The following OGG1 variants were observed in gnomAD, a reference collection of about 807,000 sequenced individuals.
OGG1 encodes the protein 8-oxoguanine DNA glycosylase.
In OGG1, 35 loss-of-function variants were observed where a neutral mutation model predicts 42.3. The ratio of observed to expected loss-of-function variants is 0.83; its 90% confidence interval spans 0.63 to 1.10. The LOEUF is 1.10. OGG1 is among the 50% of genes least tolerant of loss of function. OGG1 has a pLI of 0.00. For missense variants in OGG1, 484 were observed against 446.7 expected (o/e 1.08, Z -0.75); for synonymous variants, 189 against 179.0 (o/e 1.06, Z -0.44).
chr3:9,785,269 A>G (rs201334792), intron 3 of OGG1: 2 of 1,495,482 alleles, frequency 1.3e-6, no homozygotes, highest in African/African-American at 1.4e-5. Context: ...AGAGAAGCCA[A>G]CAGAAGCGGG....
chr3:9,785,203 C>T (rs538657817), intron 3 of OGG1: 1 of 736,216 alleles, frequency 1.4e-6, no homozygotes, highest in South Asian at 1.8e-5. Flanking sequence ...TGCTATTAGG[C>T]TTCACCTAAC....
chr3:9,770,841 G>C (rs1176678085), downstream of OGG1, among the ~76,000 whole-genome samples: 1 of 151,968 alleles, frequency 6.6e-6, no homozygotes. Context: ...GGCTGAACTG[G>C]GGGCAGCCGG....
At chr3:9,781,906 C>G (rs1421384276) in intron 3 of OGG1, among the ~76,000 whole-genome samples, 2 of 137,712 alleles carry the variant, frequency 1.5e-5, no homozygotes, top group Non-Finnish European at 3.0e-5. Flanking sequence ...GTGGCCTGAT[C>G]AAGCTCACTG....
rs975316690 is a variant in OGG1 at position 9,750,061 on chromosome 3, C to G, written c.-226C>G. 9.8e-6 allele frequency: 6 copies of G among 609,746 alleles called. No homozygotes were observed. In the African/African-American group the frequency reaches 1.1e-4, roughly 11 times the overall value. The allele number at this position is 609,746 out of a possible 1,614,324, so 37.8% of individuals were successfully genotyped here. ...CGCAAGGAGGGGGCGGGACCTACAC[C>G]TCAGGAAAGCCGGAGAATTGGGGCA... On this transcript the variant is annotated 5_prime_UTR_variant, in exon 1 of 7. Coordinates refer to ENST00000344629, the MANE Select transcript of OGG1 (RefSeq NM_002542.6).
At chr3:9,787,234 C>G (rs750851337) in intron 3 of OGG1, 2 of 1,614,194 alleles carry the variant, frequency 1.2e-6, no homozygotes, top group Admixed American at 3.3e-5. Context: ...CCCCATGAGG[C>G]CTTTCTTCTT....
intron 2 of OGG1, chr3:9,781,379 A>T: frequency 2.5e-6 from 1 of 399,520 alleles, no homozygotes; most frequent in Admixed American, 2.6e-5. Flanking sequence ...ACCCTGCAAA[A>T]TATGTACTAT....
downstream of OGG1, chr3:9,789,521 A>G: frequency 6.2e-7 from 1 of 1,614,134 alleles, no homozygotes; most frequent in East Asian, 2.2e-5. Context: ...TGTAATGCTC[A>G]GCCTCATCTT....
rs780668500 is a variant in OGG1, at chr3:9,751,864, G to GC, written c.481dup (p.Arg161ProfsTer14). 6.2e-7 allele frequency: 1 copy of GC among 1,614,176 alleles called. No homozygotes were observed. Among genetic ancestry groups the GC allele is most frequent in the South Asian group, 1.1e-5 (1 of 91,080 alleles). On this transcript the variant is annotated frameshift_variant, in exon 3 of 7. Transcript: ENST00000344629. LOFTEE classifies it high-confidence loss of function. ...TCGCCCGCATCACTGGCATGGTGGAGCGGCTGTGCCAGGCTTTTGGACCTC... is the reference window on the plus strand; with the variant it reads ...TCGCCCGCATCACTGGCATGGTGGAGCCGGCTGTGCCAGGCTTTTGGACCTC...
downstream of OGG1, chr3:9,758,414 G>C (rs962026897): frequency 3.2e-5 from 5 of 154,588 alleles, no homozygotes; most frequent in African/African-American, 1.2e-4. Context: ...CCACAGTCTT[G>C]GGCCAGCCCT....
rs1250466163 is a variant in OGG1, at chr3:9,754,781, A to G, written c.643A>G (p.Ile215Val). The G allele has an allele frequency of 4.3e-6, 7 of 1,613,892 alleles. No individual in the cohort carries two copies. Among genetic ancestry groups the G allele is most frequent in the Non-Finnish European group, 5.9e-6 (7 of 1,179,980 alleles). ...ARYVSASARA[I>V]LEEQGGLAWL... ...TTACGTGAGTGCCAGTGCCCGAGCC[A>G]TCCTGGAAGAACAGGGCGGGCTAGC... is the stretch of plus-strand genomic sequence containing the variant. Residue 215 changes from isoleucine to valine, a missense_variant, in exon 4 of 7, where the codon ATC (isoleucine) becomes GTC (valine). Ile to Val is a conservative substitution (Grantham distance 29). Coordinates refer to ENST00000344629, the MANE Select transcript of OGG1 (RefSeq NM_002542.6).
At chr3:9,776,902 T>C (rs776350627) in intron 2 of OGG1, among the ~76,000 whole-genome samples, 1 of 152,186 alleles carries the variant, frequency 6.6e-6, no homozygotes, top group East Asian at 1.9e-4. Flanking sequence ...ATGGGGAGTT[T>C]ATTGATACCT....
chr3:9,759,378 G>T, downstream of OGG1: 1 of 1,552,736 alleles, frequency 6.4e-7, no homozygotes, highest in African/African-American at 1.4e-5. Context: ...GGATCCCTAA[G>T]CAGTTACTGT....
In OGG1 at chr3:9,751,138, C is replaced by T. The variant is rs377605863; in HGVS notation, c.331C>T (p.His111Tyr). Reference sequence around the variant, plus strand: ...AGATGTTACCCTGGCTCAACTGTATCACCACTGGGGTTCCGTGGACTCCCA... The same window carrying T: ...AGATGTTACCCTGGCTCAACTGTATTACCACTGGGGTTCCGTGGACTCCCA... The part of the protein sequence containing the change: ...QLDVTLAQLY[H>Y]HWGSVDSHFQ... The change falls in exon 2 of 7, where the codon CAC becomes TAC. Residue 111 changes from histidine to tyrosine, a missense_variant. His to Tyr is a moderately conservative substitution (Grantham distance 83). Transcript: ENST00000344629. 3.7e-6 allele frequency: 6 copies of T among 1,614,072 alleles called. No individual in the cohort carries two copies. In the African/African-American group the frequency reaches 8.0e-5, roughly 22 times the overall value.
downstream of OGG1, among the ~76,000 whole-genome samples, chr3:9,788,491 C>T (rs1459021912): frequency 6.6e-6 from 1 of 150,582 alleles, no homozygotes; most frequent in East Asian, 2.0e-4. Flanking sequence ...GTGATCTGCC[C>T]GCCTCGGCCT....
Position 9,754,727 on chromosome 3 carries a change from A to C in OGG1, c.589A>C (p.Arg197=). 1 of 1,614,154 alleles carries C rather than the reference A, an allele frequency of 6.2e-7. No individual in the cohort carries two copies. The highest frequency in any genetic ancestry group is 2.2e-5 in the East Asian group (1 of 44,890). Residue 197 remains arginine (R), a synonymous_variant, in exon 4 of 7, where the codon AGG becomes CGG. Transcript: ENST00000344629. ...AGGGCCAGAGGTGGAGGCTCATCTC[A>C]GGAAGCTGGGCCTGGGCTATCGTGC... ...LAGPEVEAHL[R]KLGLGYRARY... is the part of the protein sequence containing the mutation.
At position 9,785,942 on chromosome 3, in the gene OGG1, GTTTTT is replaced by G. The variant is rs555853526; in HGVS notation, c.383-1778_383-1774del. Among the ~76,000 whole-genome samples the G allele has an allele frequency of 2.1e-3, 306 of 144,110 alleles. 3 individuals are homozygous for G. Among genetic ancestry groups the G allele is most frequent in the Admixed American group, 0.011 (160 of 14,372 alleles). 94.5% of individuals were successfully genotyped at this position (144,110 alleles called of 152,430 possible). On this transcript the variant is annotated intron_variant, in intron 3 of 3. Transcript: ENST00000426518. ...CACACACTCCTCCTTGTTTTGTTTT[GTTTTT>G]TTTTTTTGAGATGGAGTCTCACTTT... is the stretch of plus-strand genomic sequence containing the variant.
intron 2 of OGG1, chr3:9,780,388 C>T: frequency 1.9e-6 from 3 of 1,613,494 alleles, no homozygotes; most frequent in South Asian, 1.1e-5. Context: ...GATGCTCTCA[C>T]GCTCCTTCAG....
downstream of OGG1, chr3:9,760,427 T>C (rs2077799365): frequency 2.1e-6 from 1 of 478,344 alleles, no homozygotes; most frequent in Non-Finnish European, 3.8e-6. Flanking sequence ...TCAAATAGAC[T>C]ATGTTTGAAG....
Position 9,780,608 on chromosome 3 carries a change from C to A in OGG1, c.295-905C>A, listed in dbSNP as rs967332278. ...GCCCACCTCCAGAGAACAACCCCTC[C>A]CTCTTCAAGACCGAGCCTACCCACC... On this transcript the variant is annotated intron_variant, in intron 2 of 3. Coordinates refer to the OGG1 transcript ENST00000426518. The A allele has an allele frequency of 2.0e-6, 3 of 1,523,034 alleles. No homozygotes were observed. In the African/African-American group the frequency reaches 4.1e-5, roughly 21 times the overall value. The allele number at this position is 1,523,034 out of a possible 1,614,324, so 94.3% of individuals were successfully genotyped here.
Sources: gnomAD v4.1 joint callset for allele counts (sites outside exome capture counted in the v4.1 genomes callset) on GRCh38, gnomAD v4.1.1 for gene constraint, MANE v1.5 for transcripts, NCBI Gene and HGNC (gene_info 2026-07-23, HGNC 2026-07-21) for gene names.